Variants in SLC5A8 observed in about 807,000 individuals in gnomAD.
The protein encoded by SLC5A8 is sodium-coupled monocarboxylate transporter 1.
In SLC5A8, 55 loss-of-function variants were observed where a neutral mutation model predicts 71.9. That is an observed-to-expected ratio of 0.77 (90% CI 0.62 to 0.96). SLC5A8 has a LOEUF of 0.96. SLC5A8 is among the 40% of genes least tolerant of loss of function. The probability of loss-of-function intolerance (pLI) is 0.00; values close to 1 mark genes in which losing one functional copy is unlikely to be tolerated. For synonymous variants in SLC5A8, 307 were observed against 276.1 expected (o/e 1.11, Z -1.11); for missense variants, 701 against 745.3 (o/e 0.94, Z 0.69).
intron 7 of SLC5A8, among the ~76,000 whole-genome samples, chr12:101,185,917 G>T (rs937553100): frequency 6.6e-5 from 10 of 152,058 alleles, no homozygotes; most frequent in African/African-American, 2.2e-4. Flanking sequence ...TGTCTTATTT[G>T]CATGGTATCC....
chr12:101,204,383 C>G, intron 2 of SLC5A8, 117 bp downstream of exon 2: 1 of 860,268 alleles, frequency 1.2e-6, no homozygotes, highest in Non-Finnish European at 1.9e-6. Context: ...TTTGTTCCCT[C>G]ATTTTTTCAA....
intron 3 of SLC5A8, among the ~76,000 whole-genome samples, 177 bp downstream of exon 3, chr12:101,201,987 A>C (rs887737426): frequency 1.3e-5 from 2 of 152,214 alleles, no homozygotes; most frequent in Non-Finnish European, 2.9e-5. Flanking sequence ...GGAGCTGTCC[A>C]TCCAAAAACC....
At chr12:101,195,038 T>G in intron 4 of SLC5A8, 57 bp downstream of exon 4, 1 of 1,577,650 alleles carries the variant, frequency 6.3e-7, no homozygotes, top group East Asian at 2.2e-5. Flanking sequence ...CAACTGGAAT[T>G]TTCAATTTTG....
At position 101,210,181 on chromosome 12, in the gene SLC5A8, GAGCCT is replaced by G; in HGVS notation, c.-338_-334del. Reference sequence around the variant, plus strand: ...GGGACACCTGAGCAGATGAGAACTGGAGCCTCCAGCTGCTTCCAGCGAATCTACAC... The same window carrying G: ...GGGACACCTGAGCAGATGAGAACTGGCCAGCTGCTTCCAGCGAATCTACAC... On this transcript the variant is annotated 5_prime_UTR_variant, in exon 1 of 15. Transcript: ENST00000536262. 1.7e-5 allele frequency: 5 copies of G among 303,006 alleles called. No homozygotes were observed. The highest frequency in any genetic ancestry group is 1.6e-4 in the South Asian group (1 of 6,402). 18.8% of individuals were successfully genotyped at this position (303,006 alleles called of 1,614,324 possible). A position where few individuals can be genotyped will look rare whatever the true frequency, so the allele number is the denominator to read the frequency against.
rs182561009 is a variant in SLC5A8, at chr12:101,182,244, G to A, written c.1165+559C>T. 2.8e-4 allele frequency among the ~76,000 whole-genome samples: 42 copies of A among 152,266 alleles called. 1 individual carries two copies. The highest frequency in any genetic ancestry group is 9.1e-4 in the African/African-American group (38 of 41,560). On this transcript the variant is annotated intron_variant, in intron 9 of 14. Transcript: ENST00000536262. ...AGCAGACAGAACAGACAACTAAGAC[G>A]AGTCAAAATTCATAACACTCTGTTT...
intron 10 of SLC5A8, among the ~76,000 whole-genome samples, chr12:101,168,974 A>G (rs964950889): frequency 2.6e-5 from 4 of 152,210 alleles, no homozygotes; most frequent in Non-Finnish European, 4.4e-5. Flanking sequence ...TCAGGGAAAT[A>G]TTAGAGGAAA....
At chr12:101,185,860 G>T (rs1335807313) in intron 7 of SLC5A8, among the ~76,000 whole-genome samples, 1 of 152,146 alleles carries the variant, frequency 6.6e-6, no homozygotes, top group Admixed American at 6.5e-5. Flanking sequence ...TTACAGGCGT[G>T]AGCCACCACG....
rs560512872 is a variant in SLC5A8, at chr12:101,168,095, C to A, written c.1320+1G>T. 6.2e-6 allele frequency: 10 copies of A among 1,604,936 alleles called. No individual in the cohort carries two copies. In the South Asian group the frequency reaches 7.8e-5, roughly 13 times the overall value. On this transcript the variant is annotated splice_donor_variant, in intron 11 of 14. Coordinates refer to ENST00000536262, the MANE Select transcript of SLC5A8 (RefSeq NM_145913.5). LOFTEE classifies it high-confidence loss of function. ...CAAGCATATTCATTCTTTGTACTTACAATTGAGTTGGCAAAGGGAACCAAA... is the reference window on the plus strand; with the variant it reads ...CAAGCATATTCATTCTTTGTACTTAAAATTGAGTTGGCAAAGGGAACCAAA...
At position 101,158,390 on chromosome 12, in the gene SLC5A8, C is replaced by G. The variant is rs1214678836; in HGVS notation, c.1631-62G>C. On this transcript the variant is annotated intron_variant, in intron 13 of 14. Transcript: ENST00000536262. ...AAGGACACCAGTAACTACACAGAGA[C>G]ATTCCATTATACAGGCATTTAACTT... is the stretch of plus-strand genomic sequence containing the variant. 3 of 1,047,494 alleles carry G rather than the reference C, an allele frequency of 2.9e-6. No homozygotes were observed. In the African/African-American group the frequency reaches 4.9e-5, roughly 17 times the overall value. 64.9% of individuals were successfully genotyped at this position (1,047,494 alleles called of 1,614,324 possible). A position where few individuals can be genotyped will look rare whatever the true frequency, so the allele number is the denominator to read the frequency against.
chr12:101,165,771 G>T (rs1339101089), intron 12 of SLC5A8, among the ~76,000 whole-genome samples: 1 of 152,168 alleles, frequency 6.6e-6, no homozygotes, highest in Non-Finnish European at 1.5e-5. Context: ...TGTCATTCCA[G>T]ATAAGCTGGC....
intron 13 of SLC5A8, among the ~76,000 whole-genome samples, chr12:101,158,550 G>GTCTCTCTCTCTCTCTC (rs372186123): frequency 2.9e-4 from 14 of 48,488 alleles, no homozygotes; most frequent in Non-Finnish European, 3.9e-4. Flanking sequence ...ATAAATATGA[G>GTCTCTCTCTCTCTCTC]TCTCTCTCTC....
rs930669579 is a variant in SLC5A8 at position 101,204,933 on chromosome 12, T to C, written c.352-368A>G. 3.3e-5 allele frequency among the ~76,000 whole-genome samples: 5 copies of C among 152,312 alleles called. No individual in the cohort carries two copies. In the South Asian group the frequency reaches 6.2e-4, roughly 19 times the overall value. Reference sequence around the variant, plus strand: ...TAGTTTGGCCTTTTCCAGAATGTCATATAAATGAAATTACTTTCTGTATTT... The same window carrying C: ...TAGTTTGGCCTTTTCCAGAATGTCACATAAATGAAATTACTTTCTGTATTT... On this transcript the variant is annotated intron_variant, in intron 1 of 14. Coordinates refer to ENST00000536262, the MANE Select transcript of SLC5A8 (RefSeq NM_145913.5).
rs571830622 is a variant in SLC5A8 at position 101,210,211 on chromosome 12, C to A, written c.-363G>T. On this transcript the variant is annotated 5_prime_UTR_variant, in exon 1 of 15. Transcript: ENST00000536262. ...TCCAGCTGCTTCCAGCGAATCTACA[C>A]AGGGAGCGCTCTGGGCAGGTTTTGT... 9.6e-4 allele frequency: 246 copies of A among 256,062 alleles called. 1 individual carries two copies. Among genetic ancestry groups the A allele is most frequent in the African/African-American group, 5.1e-3 (231 of 45,132 alleles). The allele number at this position is 256,062 out of a possible 1,614,324, so 15.9% of individuals were successfully genotyped here.
intron 1 of SLC5A8, among the ~76,000 whole-genome samples, chr12:101,206,974 A>G (rs781546359): frequency 6.6e-6 from 1 of 152,258 alleles, no homozygotes; most frequent in Non-Finnish European, 1.5e-5. Flanking sequence ...GAGAGATTTC[A>G]TACTTGAGCA....
intron 10 of SLC5A8, among the ~76,000 whole-genome samples, chr12:101,172,831 G>A (rs1646815648): frequency 6.6e-6 from 1 of 152,168 alleles, no homozygotes; most frequent in African/African-American, 2.4e-5. Flanking sequence ...AGGGCCAGGA[G>A]AGTTGGTTTG....
At chr12:101,203,406 G>A (rs908122200) in intron 2 of SLC5A8, among the ~76,000 whole-genome samples, 1 of 152,066 alleles carries the variant, frequency 6.6e-6, no homozygotes, top group Non-Finnish European at 1.5e-5. Flanking sequence ...GGGGTGCAAT[G>A]GCATGATCTC....
intron 1 of SLC5A8, 108 bp downstream of exon 1, chr12:101,209,390 A>G: frequency 1.3e-6 from 1 of 771,048 alleles, no homozygotes; most frequent in Non-Finnish European, 2.0e-6. Context: ...GGACGGGGAG[A>G]GATTTCGATG....
chr12:101,157,217 A>G lies in SLC5A8; in HGVS notation c.*62T>C. On this transcript the variant is annotated 3_prime_UTR_variant, in exon 15 of 15. Transcript: ENST00000536262. ...ACACACACAAAGAAAACCTGATCCAATTATCTTAGAAAACATATAAAATTG... is the reference window on the plus strand; with the variant it reads ...ACACACACAAAGAAAACCTGATCCAGTTATCTTAGAAAACATATAAAATTG... 6.3e-7 allele frequency: 1 copy of G among 1,574,860 alleles called. No homozygotes were observed. The highest frequency in any genetic ancestry group is 8.6e-7 in the Non-Finnish European group (1 of 1,156,360).
At chr12:101,176,225 C>T (rs2051878739) in intron 10 of SLC5A8, among the ~76,000 whole-genome samples, 1 of 151,990 alleles carries the variant, frequency 6.6e-6, no homozygotes, top group South Asian at 2.1e-4. Flanking sequence ...ATACACCTCA[C>T]AGCAAAAAAA....
Sources: allele counts gnomAD v4.1 joint callset (sites outside exome capture counted in the v4.1 genomes callset), GRCh38; gene constraint gnomAD v4.1.1; transcripts MANE v1.5; gene names NCBI Gene and HGNC (gene_info 2026-07-23, HGNC 2026-07-21).